The following TRPC5 variants were observed in gnomAD, a reference collection of about 807,000 sequenced individuals.
TRPC5 encodes short transient receptor potential channel 5.
TRPC5 carries 9 observed loss-of-function variants against 56.5 expected under a neutral mutation model. The ratio of observed to expected loss-of-function variants is 0.16; its 90% CI spans 0.10 to 0.28. TRPC5 has a LOEUF of 0.28. Among genes scored for constraint, TRPC5 ranks in the 10% least tolerant of loss-of-function variants. TRPC5 has a pLI of 1.00. For synonymous variants in TRPC5, 282 were observed against 278.5 expected, an observed-to-expected ratio of 1.01 and a Z score of -0.13; for missense variants, 469 against 748.9, an observed-to-expected ratio of 0.63 and a Z score of 4.36.
chrX:111,797,964 T>G (rs1372618207), intron 7 of TRPC5, among the ~76,000 whole-genome samples: 1 of 111,706 alleles, frequency 9.0e-6, no homozygotes, highest in Non-Finnish European at 1.9e-5. Flanking sequence ...AAAAATAAAT[T>G]TATTGGAAAA....
At chrX:111,833,354 GA>G (rs908452141) in intron 7 of TRPC5, among the ~76,000 whole-genome samples, 1 of 110,965 alleles carries the variant, frequency 9.0e-6, no homozygotes, top group Middle Eastern at 4.2e-3. Flanking sequence ...GCTCAAGAGG[GA>G]AAAGTAAGTT....
At chrX:111,828,961 T>G (rs1412578748) in intron 7 of TRPC5, among the ~76,000 whole-genome samples, 1 of 111,520 alleles carries the variant, frequency 9.0e-6, no homozygotes, top group Non-Finnish European at 1.9e-5. Context: ...ATTTAGGGTA[T>G]CCAGCAGAAG....
At position 111,773,033 on chromosome X, in the gene TRPC5, T is replaced by C. The variant is rs192482771; in HGVS notation, c.*3280A>G. Among the ~76,000 whole-genome samples the C allele has an allele frequency of 8.9e-6, 1 of 111,994 alleles. No individual in the cohort carries two copies. Among genetic ancestry groups the C allele is most frequent in the Admixed American group, 9.5e-5 (1 of 10,491 alleles). On this transcript the variant is annotated 3_prime_UTR_variant, in exon 11 of 11. Coordinates refer to ENST00000262839, the MANE Select transcript of TRPC5 (RefSeq NM_012471.3). ...TCATTTGAAAAGTGGAGGCGTTCGTTTTTTAAAAATGATTTAATCAAATTG... is the reference window on the plus strand; with the variant it reads ...TCATTTGAAAAGTGGAGGCGTTCGTCTTTTAAAAATGATTTAATCAAATTG...
At chrX:112,074,989 C>T (rs986492623) in intron 1 of TRPC5, among the ~76,000 whole-genome samples, 9 of 112,303 alleles carry the variant, frequency 8.0e-5, no homozygotes, top group African/African-American at 1.9e-4. Context: ...AAACATCCTG[C>T]GACAATCTTC....
At chrX:111,874,598 A>G (rs977279182) in intron 3 of TRPC5, among the ~76,000 whole-genome samples, 6 of 108,777 alleles carry the variant, frequency 5.5e-5, no homozygotes, top group African/African-American at 1.4e-4. Context: ...TGATGACTCT[A>G]TGAGGGTGGT....
chrX:112,074,298 A>G (rs1930782234), intron 1 of TRPC5, among the ~76,000 whole-genome samples: 1 of 103,303 alleles, frequency 9.7e-6, no homozygotes, highest in Admixed American at 1.0e-4. Context: ...TTTTTATTTT[A>G]TTATATATAT....
chrX:112,059,912 G>A (rs776863482), intron 1 of TRPC5, among the ~76,000 whole-genome samples: 1 of 112,016 alleles, frequency 8.9e-6, no homozygotes, highest in Admixed American at 9.5e-5. Context: ...AAATGGATTT[G>A]TACTGAATTC....
intron 5 of TRPC5, 143 bp downstream of exon 5, chrX:111,852,155 A>C: frequency 1.7e-6 from 1 of 575,609 alleles, no homozygotes; most frequent in Non-Finnish European, 2.7e-6. Context: ...CCACTGAAAG[A>C]ATGTCTGTTT....
chrX:111,882,979 A>G (rs1924298166), intron 3 of TRPC5, among the ~76,000 whole-genome samples: 1 of 109,635 alleles, frequency 9.1e-6, no homozygotes, highest in Non-Finnish European at 1.9e-5. Flanking sequence ...CCAGCTACTC[A>G]GGAGGCTGAG....
At chrX:111,815,845 A>C (rs1256433687) in intron 7 of TRPC5, among the ~76,000 whole-genome samples, 2 of 111,313 alleles carry the variant, frequency 1.8e-5, no homozygotes, top group African/African-American at 6.5e-5. Flanking sequence ...TCTGTTGACA[A>C]GACACAGGAC....
At chrX:111,905,882 T>C (rs1289281425) in intron 3 of TRPC5, among the ~76,000 whole-genome samples, 3 of 91,369 alleles carry the variant, frequency 3.3e-5, no homozygotes, top group Non-Finnish European at 6.2e-5. Context: ...GCCACTGCAC[T>C]CCAGCCTGGG....
chrX:111,818,793 G>A lies in TRPC5; in HGVS notation c.1896+16128C>T, dbSNP rs1348416064. On this transcript the variant is annotated intron_variant, in intron 7 of 10. Coordinates refer to ENST00000262839, the MANE Select transcript of TRPC5 (RefSeq NM_012471.3). ...TAATTTTTGTATTTTTAGTAGAGGC[G>A]GGGTTTCTCCATATTGGTCAGGCTG... is the stretch of plus-strand genomic sequence containing the variant. Among the ~76,000 whole-genome samples the A allele has an allele frequency of 2.8e-5, 3 of 108,933 alleles. No individual in the cohort carries two copies. In the Admixed American group the frequency reaches 3.0e-4, roughly 11 times the overall value. The allele number at this position is 108,933 out of a possible 115,157, so 94.6% of individuals were successfully genotyped here.
At chrX:111,986,479 T>G (rs376455268) in intron 1 of TRPC5, among the ~76,000 whole-genome samples, 1 of 110,418 alleles carries the variant, frequency 9.1e-6, no homozygotes, top group African/African-American at 3.3e-5. Flanking sequence ...AATCTACTTA[T>G]CAGTGTAGAA....
At chrX:111,799,193 C>T (rs1603033054) in intron 7 of TRPC5, among the ~76,000 whole-genome samples, 1 of 110,397 alleles carries the variant, frequency 9.1e-6, no homozygotes. Flanking sequence ...ATCAAGACTG[C>T]CCTTATCTAT....
intron 2 of TRPC5, among the ~76,000 whole-genome samples, chrX:111,936,877 G>A (rs1247287770): frequency 6.0e-5 from 6 of 99,970 alleles, no homozygotes; most frequent in Admixed American, 2.1e-4. Flanking sequence ...GGATGGCTGG[G>A]TCAAATGGTA....
At chrX:111,817,431 A>G (rs749840711) in intron 7 of TRPC5, among the ~76,000 whole-genome samples, 1 of 107,081 alleles carries the variant, frequency 9.3e-6, no homozygotes, top group Non-Finnish European at 1.9e-5. Context: ...GGTTCAAGCA[A>G]TTCTCCTGCT....
intron 1 of TRPC5, among the ~76,000 whole-genome samples, chrX:112,006,980 G>T (rs1928861415): frequency 9.0e-6 from 1 of 111,454 alleles, no homozygotes; most frequent in South Asian, 3.8e-4. Flanking sequence ...AGCCTGCTCA[G>T]ATAGCATGAC....
intron 2 of TRPC5, among the ~76,000 whole-genome samples, chrX:111,933,590 C>T (rs1175853150): frequency 9.0e-6 from 1 of 111,541 alleles, no homozygotes; most frequent in Non-Finnish European, 1.9e-5. Context: ...AAAAAACAAA[C>T]AAAAACACTC....
At chrX:111,970,423 G>A (rs1363002826) in intron 1 of TRPC5, among the ~76,000 whole-genome samples, 2 of 111,220 alleles carry the variant, frequency 1.8e-5, no homozygotes, top group Admixed American at 1.9e-4. Flanking sequence ...CCTTCAGTGC[G>A]ATTATCTTAT....
Sources: gnomAD v4.1 joint callset for allele counts (sites outside exome capture counted in the v4.1 genomes callset) on GRCh38, gnomAD v4.1.1 for gene constraint, MANE v1.5 for transcripts, NCBI Gene and HGNC (gene_info 2026-07-23, HGNC 2026-07-21) for gene names.